Variants in TNIP3 observed in about 807,000 individuals in gnomAD.
TNIP3 encodes the protein TNFAIP3 interacting protein 3.
TNIP3 carries 34 observed loss-of-function variants against 54.1 expected under a neutral mutation model. The ratio of observed to expected loss-of-function variants is 0.63; its 90% CI spans 0.48 to 0.84. The LOEUF (loss-of-function observed/expected upper bound fraction) is 0.84. Among genes scored for constraint, TNIP3 ranks in the 40% least tolerant of loss-of-function variants. TNIP3 has a pLI of 0.00. For synonymous variants in TNIP3, 134 were observed against 136.8 expected, an observed-to-expected ratio of 0.98 and a Z score of 0.14; for missense variants, 366 against 387.6, an observed-to-expected ratio of 0.94 and a Z score of 0.47.
chr4:121,176,514 T>TG lies in TNIP3; in HGVS notation c.189+6161_189+6162insC, dbSNP rs1560671245. 3.1e-3 allele frequency among the ~76,000 whole-genome samples: 457 copies of TG among 147,282 alleles called. 2 individuals are homozygous for TG. The highest frequency in any genetic ancestry group is 0.011 in the African/African-American group (437 of 40,138). Reference sequence around the variant, plus strand: ...AGGCTCAAGCTCATCCTACTAGCATTATGATGATGATGATGATGATGATGA... The same window carrying TG: ...AGGCTCAAGCTCATCCTACTAGCATTGATGATGATGATGATGATGATGATGA... On this transcript the variant is annotated intron_variant, in intron 3 of 12. Transcript: ENST00000507879.
intron 3 of TNIP3, among the ~76,000 whole-genome samples, chr4:121,171,437 A>T (rs1723934319): frequency 6.6e-6 from 1 of 152,206 alleles, no homozygotes; most frequent in African/African-American, 2.4e-5. Context: ...GATGGTGGGT[A>T]TATGTGTATA....
At chr4:121,209,467 G>T (rs1726362328) in intron 2 of TNIP3, among the ~76,000 whole-genome samples, 1 of 152,164 alleles carries the variant, frequency 6.6e-6, no homozygotes, top group Non-Finnish European at 1.5e-5. Flanking sequence ...CACATAGTTG[G>T]CATGGAGAGT....
At chr4:121,161,633 A>G (rs1443073360) in intron 1 of TNIP3, among the ~76,000 whole-genome samples, 4 of 152,172 alleles carry the variant, frequency 2.6e-5, no homozygotes, top group Non-Finnish European at 5.9e-5. Context: ...AGCTGTGCCC[A>G]TGAACATGTA....
Position 121,140,160 on chromosome 4 carries a change from C to T in TNIP3, c.886-1476G>A, listed in dbSNP as rs1298202113. Among the ~76,000 whole-genome samples the T allele has an allele frequency of 2.0e-5, 3 of 152,028 alleles. No homozygotes were observed. In the East Asian group the frequency reaches 5.8e-4, roughly 29 times the overall value. On this transcript the variant is annotated intron_variant, in intron 9 of 10. Transcript: ENST00000057513. ...ACCAGCCTGGGCAATATGGTGAAACCCCATCTCCGCTAAAATTACAAAAAT... is the reference window on the plus strand; with the variant it reads ...ACCAGCCTGGGCAATATGGTGAAACTCCATCTCCGCTAAAATTACAAAAAT...
chr4:121,161,667 G>A (rs1730463628), intron 1 of TNIP3, among the ~76,000 whole-genome samples: 1 of 152,102 alleles, frequency 6.6e-6, no homozygotes, highest in African/African-American at 2.4e-5. Flanking sequence ...CTGAAAAGTA[G>A]ACCCAGTAAA....
At chr4:121,147,868 C>G (rs1038106693) in intron 6 of TNIP3, among the ~76,000 whole-genome samples, 3 of 152,164 alleles carry the variant, frequency 2.0e-5, no homozygotes, top group Non-Finnish European at 4.4e-5. Context: ...CAAATTTTAA[C>G]TAAAGGTTTA....
At chr4:121,173,873 C>T (rs1223105932) in intron 3 of TNIP3, among the ~76,000 whole-genome samples, 1 of 152,176 alleles carries the variant, frequency 6.6e-6, no homozygotes, top group Non-Finnish European at 1.5e-5. Context: ...ACAAGTGATC[C>T]ACCTGCCTCG....
intron 3 of TNIP3, among the ~76,000 whole-genome samples, chr4:121,170,676 G>T (rs546608763): frequency 6.6e-6 from 1 of 152,080 alleles, no homozygotes; most frequent in East Asian, 1.9e-4. Context: ...CAGAACTGTT[G>T]TCTTTAATAA....
chr4:121,172,272 G>A (rs1724014170), intron 3 of TNIP3, among the ~76,000 whole-genome samples: 1 of 152,202 alleles, frequency 6.6e-6, no homozygotes, highest in African/African-American at 2.4e-5. Flanking sequence ...AGCAGAGCCA[G>A]AGATTTCCTA....
Position 121,158,729 on chromosome 4 carries a change from C to G in TNIP3, c.171G>C (p.Trp57Cys). 1 of 1,612,454 alleles carries G rather than the reference C, an allele frequency of 6.2e-7. No homozygotes were observed. The highest frequency in any genetic ancestry group is 8.5e-7 in the Non-Finnish European group (1 of 1,179,486). ...RKELLEVNQQ[W>C]DQQFRSMKEL... Reference sequence around the variant, plus strand: ...CTTTCATACTTCTAAATTGCTGATCCCATTGCTGGTTAACTTCCAGGAGCT... The same window carrying G: ...CTTTCATACTTCTAAATTGCTGATCGCATTGCTGGTTAACTTCCAGGAGCT... The change falls in exon 3 of 11, where the codon TGG becomes TGC. Residue 57 changes from tryptophan (W) to cysteine (C), a missense_variant. By Grantham distance (215) the Trp-to-Cys change is radical (BLOSUM62 -2). Transcript: ENST00000057513.
intron 3 of TNIP3, among the ~76,000 whole-genome samples, chr4:121,178,938 T>G (rs1724523336): frequency 6.6e-6 from 1 of 151,884 alleles, no homozygotes; most frequent in Non-Finnish European, 1.5e-5. Context: ...AAAAACAAAA[T>G]GATAAAGTCT....
At chr4:121,180,269 G>A (rs1327760269) in intron 3 of TNIP3, among the ~76,000 whole-genome samples, 2 of 151,566 alleles carry the variant, frequency 1.3e-5, no homozygotes, top group East Asian at 1.9e-4. Flanking sequence ...ATGTGGTGGC[G>A]GGCGCCTGTA....
intron 2 of TNIP3, among the ~76,000 whole-genome samples, chr4:121,195,960 TACAA>T (rs1725555769): frequency 6.6e-6 from 1 of 152,288 alleles, no homozygotes; most frequent in Middle Eastern, 3.4e-3. Flanking sequence ...TAGAAATACA[TACAA>T]ACAAACAGAC....
chr4:121,148,682 A>T (rs1441148867), intron 6 of TNIP3, among the ~76,000 whole-genome samples: 1 of 152,258 alleles, frequency 6.6e-6, no homozygotes, highest in Non-Finnish European at 1.5e-5. Flanking sequence ...AAATTGACAG[A>T]ACAGAAAATC....
intron 3 of TNIP3, among the ~76,000 whole-genome samples, chr4:121,173,059 T>C (rs1209775902): frequency 6.6e-6 from 1 of 152,210 alleles, no homozygotes; most frequent in Non-Finnish European, 1.5e-5. Flanking sequence ...AATTATGATG[T>C]GACAAGTGGG....
intron 7 of TNIP3, among the ~76,000 whole-genome samples, chr4:121,145,243 C>T (rs1223907817): frequency 1.3e-5 from 2 of 152,136 alleles, no homozygotes; most frequent in Non-Finnish European, 2.9e-5. Context: ...GATCATCAAA[C>T]CATCTATTAC....
intron 3 of TNIP3, among the ~76,000 whole-genome samples, chr4:121,169,517 T>A (rs1730953910): frequency 6.6e-6 from 1 of 152,192 alleles, no homozygotes; most frequent in South Asian, 2.1e-4. Flanking sequence ...AACTCCATGA[T>A]AGCAACTTTT....
chr4:121,168,007 C>T (rs1730858093), upstream of TNIP3, among the ~76,000 whole-genome samples: 2 of 152,010 alleles, frequency 1.3e-5, no homozygotes. Context: ...TTAATAACAC[C>T]TTTTATTCTC....
At chr4:121,197,438 G>T (rs1426662975) in intron 2 of TNIP3, among the ~76,000 whole-genome samples, 1 of 150,834 alleles carries the variant, frequency 6.6e-6, no homozygotes, top group African/African-American at 2.4e-5. Flanking sequence ...TGAGGCAGGG[G>T]AATCGCTTGA....
Sources: allele counts gnomAD v4.1 joint callset (sites outside exome capture counted in the v4.1 genomes callset), GRCh38; gene constraint gnomAD v4.1.1; transcripts MANE v1.5; gene names NCBI Gene and HGNC (gene_info 2026-07-23, HGNC 2026-07-21).